The following HMBOX1 variants were observed in gnomAD, a reference collection of about 807,000 sequenced individuals.
HMBOX1 encodes homeobox-containing protein 1.
In HMBOX1, 14 loss-of-function variants were observed where a neutral mutation model predicts 54.5. The ratio of observed to expected loss-of-function variants is 0.26; its 90% CI spans 0.17 to 0.40. The LOEUF is 0.40. HMBOX1 is among the 10% of genes least tolerant of loss of function. The pLI is 1.00. For synonymous variants in HMBOX1, 160 were observed against 181.0 expected (o/e 0.88, Z 0.93); for missense variants, 332 against 514.4 (o/e 0.65, Z 3.43).
intron 1 of HMBOX1, among the ~76,000 whole-genome samples, chr8:28,924,958 G>T: frequency 6.7e-6 from 1 of 148,578 alleles, no homozygotes. Context: ...GTGAAGTTCA[G>T]TGAAGTTATG....
chr8:29,050,674 A>G lies in HMBOX1; in HGVS notation c.1126-344A>G, dbSNP rs573678795. ...AGTATGGCCTTCAGTGATTAGTGCT[A>G]TATTTGTTACAAACAGAAAGATCCA... On this transcript the variant is annotated intron_variant, in intron 9 of 9. Coordinates refer to ENST00000287701, the MANE Select transcript of HMBOX1 (RefSeq NM_001135726.3). The G allele has an allele frequency of 1.6e-5, 4 of 250,096 alleles. No individual in the cohort carries two copies. In the South Asian group the frequency reaches 2.5e-4, roughly 15 times the overall value. The allele number at this position is 250,096 out of a possible 1,614,324, so 15.5% of individuals were successfully genotyped here.
intron 4 of HMBOX1, among the ~76,000 whole-genome samples, chr8:28,982,811 G>C (rs1009321223): frequency 6.6e-6 from 1 of 151,998 alleles, no homozygotes; most frequent in African/African-American, 2.4e-5. Context: ...TTTGTGGTAG[G>C]CGGGGTTTCA....
At chr8:28,900,269 A>ATTTATATAT (rs1422463025) in intron 1 of HMBOX1, among the ~76,000 whole-genome samples, 1 of 69,174 alleles carries the variant, frequency 1.4e-5, no homozygotes, top group Non-Finnish European at 2.9e-5. Context: ...AAAAAAAAAA[A>ATTTATATAT]AAATATATAT....
intron 3 of HMBOX1, among the ~76,000 whole-genome samples, chr8:28,973,819 T>TTG (rs1563501945): frequency 2.3e-5 from 3 of 130,066 alleles, no homozygotes; most frequent in Non-Finnish European, 4.7e-5. Flanking sequence ...TTTTTTTTTT[T>TTG]TTTTTTTTTT....
chr8:28,964,660 T>G, intron 2 of HMBOX1, among the ~76,000 whole-genome samples: 1 of 152,172 alleles, frequency 6.6e-6, no homozygotes, highest in East Asian at 1.9e-4. Flanking sequence ...GACAGTTCTA[T>G]AATACAGTAA....
At chr8:28,993,742 G>T (rs1164917563) in intron 4 of HMBOX1, among the ~76,000 whole-genome samples, 1 of 152,104 alleles carries the variant, frequency 6.6e-6, no homozygotes, top group East Asian at 1.9e-4. Flanking sequence ...CAATTCAGGG[G>T]TTACCAGTTT....
At chr8:29,022,065 C>T (rs948886127) in intron 6 of HMBOX1, among the ~76,000 whole-genome samples, 2 of 152,084 alleles carry the variant, frequency 1.3e-5, no homozygotes, top group Non-Finnish European at 2.9e-5. Context: ...GAAGGGAATT[C>T]GGCAATATCA....
chr8:29,003,095 T>C (rs1198889612), intron 4 of HMBOX1, among the ~76,000 whole-genome samples: 1 of 151,134 alleles, frequency 6.6e-6, no homozygotes, highest in Non-Finnish European at 1.5e-5. Flanking sequence ...TTTTTTTTTT[T>C]CATTTTTTAT....
intron 2 of HMBOX1, among the ~76,000 whole-genome samples, chr8:28,964,949 A>G (rs555135446): frequency 1.3e-5 from 2 of 152,250 alleles, no homozygotes; most frequent in Non-Finnish European, 2.9e-5. Context: ...TCAACTTTGA[A>G]TTTTGACATT....
intron 2 of HMBOX1, among the ~76,000 whole-genome samples, chr8:28,966,042 T>G (rs1826379102): frequency 6.6e-6 from 1 of 152,174 alleles, no homozygotes; most frequent in Non-Finnish European, 1.5e-5. Context: ...TCCAATAAAA[T>G]TTTACTGTTG....
chr8:28,906,218 A>G (rs1027936996), intron 1 of HMBOX1, among the ~76,000 whole-genome samples: 2 of 152,140 alleles, frequency 1.3e-5, no homozygotes, highest in Non-Finnish European at 2.9e-5. Context: ...GTTAATTACT[A>G]TTTCTGTAGT....
intron 1 of HMBOX1, among the ~76,000 whole-genome samples, chr8:28,945,906 A>G (rs1585995654): frequency 6.6e-6 from 1 of 151,550 alleles, no homozygotes; most frequent in Admixed American, 6.6e-5. Context: ...TACTATATTC[A>G]CAGTTGTGTA....
At chr8:29,007,020 G>A (rs539778124) in intron 4 of HMBOX1, among the ~76,000 whole-genome samples, 221 of 152,258 alleles carry the variant, frequency 1.5e-3, no homozygotes, top group South Asian at 2.7e-3. Context: ...TGGGTGCGGT[G>A]GCTCATGCCC....
At chr8:29,019,412 T>C (rs1349271599) in intron 6 of HMBOX1, among the ~76,000 whole-genome samples, 3 of 148,816 alleles carry the variant, frequency 2.0e-5, no homozygotes, top group Non-Finnish European at 3.0e-5. Context: ...CACTCAGTGG[T>C]TTTTTTTTTA....
chr8:29,016,244 T>C (rs1248971230), intron 5 of HMBOX1, among the ~76,000 whole-genome samples: 1 of 152,198 alleles, frequency 6.6e-6, no homozygotes, highest in Non-Finnish European at 1.5e-5. Context: ...GCAATTGCTA[T>C]GATTTCTCTG....
chr8:28,914,794 C>G (rs1461868350), intron 1 of HMBOX1, among the ~76,000 whole-genome samples: 1 of 152,112 alleles, frequency 6.6e-6, no homozygotes, highest in Non-Finnish European at 1.5e-5. Flanking sequence ...TATTTGAACA[C>G]AGTGTTATAC....
chr8:28,917,902 A>G (rs931421106), intron 1 of HMBOX1, among the ~76,000 whole-genome samples: 3 of 152,124 alleles, frequency 2.0e-5, no homozygotes, highest in African/African-American at 4.8e-5. Context: ...TCAGTTGGCT[A>G]CAGTTTTGTT....
chr8:29,040,063 C>T (rs1804594178), intron 6 of HMBOX1, among the ~76,000 whole-genome samples: 1 of 152,132 alleles, frequency 6.6e-6, no homozygotes, highest in African/African-American at 2.4e-5. Context: ...GCAGCCTGTG[C>T]ACCCCTCAGA....
At chr8:28,943,299 C>A (rs1377686060) in intron 1 of HMBOX1, among the ~76,000 whole-genome samples, 1 of 152,144 alleles carries the variant, frequency 6.6e-6, no homozygotes, top group Non-Finnish European at 1.5e-5. Context: ...CCCAAGGAAG[C>A]AGTGAGGACC....
Sources: gnomAD v4.1 joint callset for allele counts (sites outside exome capture counted in the v4.1 genomes callset) on GRCh38, gnomAD v4.1.1 for gene constraint, MANE v1.5 for transcripts, NCBI Gene and HGNC (gene_info 2026-07-23, HGNC 2026-07-21) for gene names.